The following TRIO variants were observed in gnomAD, a reference collection of about 807,000 sequenced individuals.
The protein encoded by TRIO is triple functional domain protein.
A neutral mutation model predicts 351.9 loss-of-function variants in TRIO; 58 were observed. The ratio of observed to expected loss-of-function variants is 0.16; its 90% CI spans 0.13 to 0.21. TRIO has a LOEUF of 0.21. Among genes scored for constraint, TRIO ranks in the 10% least tolerant of loss-of-function variants. The pLI, the probability that TRIO is intolerant of heterozygous loss-of-function variation, is 1.00. For synonymous variants in TRIO, 1,758 were observed against 1,595.7 expected, an observed-to-expected ratio of 1.10 and a Z score of -2.42; for missense variants, 3,201 against 4,027.8, an observed-to-expected ratio of 0.79 and a Z score of 5.56.
intron 31 of TRIO, among the ~76,000 whole-genome samples, chr5:14,401,960 C>T (rs879846952): frequency 2.0e-5 from 3 of 152,150 alleles, no homozygotes; most frequent in Non-Finnish European, 2.9e-5. Flanking sequence ...CTGTGAGTTA[C>T]TCCCCTGTAT....
chr5:14,160,020 A>G (rs1788359930), intron 1 of TRIO, among the ~76,000 whole-genome samples: 1 of 152,252 alleles, frequency 6.6e-6, no homozygotes, highest in African/African-American at 2.4e-5. Context: ...CTGTTTTAGA[A>G]TTGAGTTGAC....
intron 34 of TRIO, among the ~76,000 whole-genome samples, chr5:14,434,470 T>G (rs1247191985): frequency 1.3e-5 from 2 of 152,196 alleles, no homozygotes; most frequent in African/African-American, 4.8e-5. Context: ...TGCATTTAAA[T>G]AACACAACAC....
intron 10 of TRIO, among the ~76,000 whole-genome samples, chr5:14,335,282 G>A (rs1163690158): frequency 1.3e-5 from 2 of 151,932 alleles, no homozygotes; most frequent in South Asian, 2.1e-4. Context: ...CCCACATGAC[G>A]CCCTCACATC....
chr5:14,488,749 C>G (rs1756241793), intron 48 of TRIO: 3 of 585,674 alleles, frequency 5.1e-6, no homozygotes, highest in South Asian at 2.0e-5. Context: ...AAGAAAACTT[C>G]CAACAGCAAC....
chr5:14,186,750 G>A (rs2152143931), intron 1 of TRIO, among the ~76,000 whole-genome samples: 1 of 152,082 alleles, frequency 6.6e-6, no homozygotes, highest in South Asian at 2.1e-4. Context: ...GCTGATTTTT[G>A]TATTTTTAGT....
intron 53 of TRIO, among the ~76,000 whole-genome samples, chr5:14,500,584 C>T (rs888212270): frequency 7.9e-5 from 12 of 152,024 alleles, no homozygotes; most frequent in South Asian, 2.1e-4. Flanking sequence ...CAGCCAGGGC[C>T]GAGGCTTCTG....
intron 6 of TRIO, 95 bp downstream of exon 6, chr5:14,293,229 C>T: frequency 6.5e-7 from 1 of 1,545,208 alleles, no homozygotes; most frequent in East Asian, 2.3e-5. Flanking sequence ...TTCAAGGGGC[C>T]TTCGGAGTGG....
chr5:14,282,918 G>A (rs771985214), intron 3 of TRIO, among the ~76,000 whole-genome samples: 28 of 152,162 alleles, frequency 1.8e-4, no homozygotes, highest in Admixed American at 1.6e-3. Context: ...TGTAAATGAC[G>A]CATTTGCCGA....
chr5:14,388,563 G>T lies in TRIO; in HGVS notation c.3882-50G>T, dbSNP rs555630410. ...TCATAAATCCATAAAAGTAGATAGT[G>T]AAGTAAGCTGCACCCTGACTGTACT... is the stretch of plus-strand genomic sequence containing the variant. On this transcript the variant is annotated intron_variant, in intron 23 of 56. Coordinates refer to ENST00000344204, the MANE Select transcript of TRIO (RefSeq NM_007118.4). 5.1e-5 allele frequency: 79 copies of T among 1,539,642 alleles called. 1 individual carries two copies. The South Asian group carries it at 8.6e-4, about 17-fold the overall frequency.
At chr5:14,502,686 G>A (rs745348078) in intron 54 of TRIO, 29 bp downstream of exon 54, 70 of 1,607,900 alleles carry the variant, frequency 4.4e-5, no homozygotes, top group South Asian at 2.3e-4. Flanking sequence ...AACGCCTTCC[G>A]AAAGAGCAGA....
At chr5:14,384,140 C>G (rs776639743) in intron 21 of TRIO, among the ~76,000 whole-genome samples, 24 of 152,152 alleles carry the variant, frequency 1.6e-4, no homozygotes, top group Non-Finnish European at 3.4e-4. Context: ...GACGTAGGCT[C>G]TCTTGGAGTG....
chr5:14,463,724 C>T (rs1012640547), intron 36 of TRIO, among the ~76,000 whole-genome samples: 2 of 148,254 alleles, frequency 1.3e-5, no homozygotes, highest in African/African-American at 5.0e-5. Flanking sequence ...AAACAGATAA[C>T]TTTATCAACA....
chr5:14,434,563 C>T (rs1189179447), intron 34 of TRIO, among the ~76,000 whole-genome samples: 1 of 152,144 alleles, frequency 6.6e-6, no homozygotes, highest in Admixed American at 6.5e-5. Flanking sequence ...CAGAGAATTT[C>T]TGTACACCCT....
chr5:14,307,775 A>G (rs1738507816), intron 8 of TRIO, among the ~76,000 whole-genome samples: 1 of 152,220 alleles, frequency 6.6e-6, no homozygotes, highest in Admixed American at 6.5e-5. Context: ...ATTTCTGCCC[A>G]TAGCAGCCAC....
At chr5:14,437,442 C>T (rs1487809940) in intron 34 of TRIO, among the ~76,000 whole-genome samples, 2 of 152,156 alleles carry the variant, frequency 1.3e-5, no homozygotes, top group African/African-American at 2.4e-5. Context: ...TATAGTACCC[C>T]TCACACACTC....
chr5:14,406,390 C>T (rs1310579634), intron 32 of TRIO, 183 bp from the exon 33 acceptor site: 2 of 609,974 alleles, frequency 3.3e-6, no homozygotes, highest in Non-Finnish European at 2.9e-6. Flanking sequence ...ATGTTTTAAA[C>T]ACTCAGCACA....
intron 21 of TRIO, among the ~76,000 whole-genome samples, chr5:14,382,743 G>A (rs895870391): frequency 6.6e-6 from 1 of 152,022 alleles, no homozygotes; most frequent in African/African-American, 2.4e-5. Flanking sequence ...GTATTTAGGG[G>A]CGTGTGTGTG....
In TRIO at chr5:14,396,443, C is replaced by CTTTTTTTTTTTTTTTTT. The variant is rs1173121592; in HGVS notation, c.4312-572_4312-556dup. ...ATAATAATTAAATATTTCTATTTAT[C>CTTTTTTTTTTTTTTTTT]TTTTTTTTTTTTTTTTTTTTTTTTT... is the stretch of plus-strand genomic sequence containing the variant. On this transcript the variant is annotated intron_variant, in intron 28 of 56. Coordinates refer to ENST00000344204, the MANE Select transcript of TRIO (RefSeq NM_007118.4). Among the ~76,000 whole-genome samples, 25 of 41,554 alleles carry CTTTTTTTTTTTTTTTTT rather than the reference C, an allele frequency of 6.0e-4. 5 individuals are homozygous for CTTTTTTTTTTTTTTTTT. The highest frequency in any genetic ancestry group is 9.5e-4 in the Non-Finnish European group (21 of 22,182). The allele number at this position is 41,554 out of a possible 152,430, so 27.3% of individuals were successfully genotyped here.
chr5:14,336,208 TG>T (rs1741399658), intron 10 of TRIO, among the ~76,000 whole-genome samples: 1 of 152,164 alleles, frequency 6.6e-6, no homozygotes, highest in African/African-American at 2.4e-5. Context: ...CATTTGTTGC[TG>T]GGGGCCGTCT....
Sources: allele counts gnomAD v4.1 joint callset (sites outside exome capture counted in the v4.1 genomes callset), GRCh38; gene constraint gnomAD v4.1.1; transcripts MANE v1.5; gene names NCBI Gene and HGNC (gene_info 2026-07-23, HGNC 2026-07-21).